The following VTI1A variants were observed in gnomAD, a reference collection of about 807,000 sequenced individuals.
The protein encoded by VTI1A is vesicle transport through interaction with t-SNAREs homolog 1A.
A neutral mutation model predicts 34.9 loss-of-function variants in VTI1A; 22 were observed. That is an observed-to-expected ratio of 0.63 (90% CI 0.45 to 0.90). The LOEUF is 0.90. VTI1A is among the 40% of genes least tolerant of loss of function. The pLI, the probability that VTI1A is intolerant of heterozygous loss-of-function variation, is 0.00. For missense variants in VTI1A, 268 were observed against 275.6 expected (o/e 0.97, Z 0.20); for synonymous variants, 87 against 97.3 (o/e 0.89, Z 0.62).
intron 4 of VTI1A, chr10:112,533,510 T>A: frequency 9.9e-7 from 1 of 1,011,768 alleles, no homozygotes; most frequent in African/African-American, 1.7e-5. Flanking sequence ...TTATCTTTTT[T>A]TTGTGCATTC....
intron 5 of VTI1A, among the ~76,000 whole-genome samples, chr10:112,553,311 C>G (rs1462270447): frequency 6.6e-6 from 1 of 152,220 alleles, no homozygotes. Flanking sequence ...AGACCTTAGA[C>G]AAGTTCCTTA....
At chr10:112,834,752 C>G in the VTI1A span, among the ~76,000 whole-genome samples, 1 of 152,214 alleles carries the variant, frequency 6.6e-6, no homozygotes, top group Non-Finnish European at 1.5e-5. Flanking sequence ...TCTGAGGCCT[C>G]TTGAAGCCGG....
At chr10:112,559,378 C>G (rs1192357719) in intron 5 of VTI1A, among the ~76,000 whole-genome samples, 1 of 152,154 alleles carries the variant, frequency 6.6e-6, no homozygotes, top group East Asian at 1.9e-4. Context: ...ATAAACCTGA[C>G]TAATAAATAT....
intron 3 of VTI1A, among the ~76,000 whole-genome samples, chr10:112,499,123 T>C (rs895834913): frequency 4.6e-5 from 7 of 152,196 alleles, no homozygotes; most frequent in Non-Finnish European, 1.0e-4. Flanking sequence ...TTAATAAGTA[T>C]ATATAAGGAA....
the VTI1A span, among the ~76,000 whole-genome samples, chr10:112,834,522 C>T: frequency 1.3e-5 from 2 of 152,218 alleles, no homozygotes; most frequent in African/African-American, 4.8e-5. Context: ...CATGGTACAG[C>T]AGACCCTCCG....
At chr10:112,593,699 C>T (rs1844489130) in intron 5 of VTI1A, among the ~76,000 whole-genome samples, 1 of 152,066 alleles carries the variant, frequency 6.6e-6, no homozygotes, top group Non-Finnish European at 1.5e-5. Flanking sequence ...TATGTGTGAA[C>T]TCGTTTATTC....
At chr10:112,845,498 T>C in the VTI1A span, among the ~76,000 whole-genome samples, 1 of 152,164 alleles carries the variant, frequency 6.6e-6, no homozygotes, top group African/African-American at 2.4e-5. Context: ...AGAGAAATGC[T>C]TTCAGAACTA....
In VTI1A at chr10:112,594,607, C is replaced by T. The variant is rs1410715907; in HGVS notation, c.427+56277C>T. 2.1e-3 allele frequency among the ~76,000 whole-genome samples: 323 copies of T among 151,824 alleles called. 1 individual carries two copies. Among genetic ancestry groups the T allele is most frequent in the African/African-American group, 6.6e-3 (273 of 41,372 alleles). ...ACCTAGGAATCCAACTTACAAGGGA[C>T]GTGAAGGACCTCTTCAAGGAGAACT... On this transcript the variant is annotated intron_variant, in intron 5 of 7. Coordinates refer to ENST00000393077, the MANE Select transcript of VTI1A (RefSeq NM_145206.4).
At chr10:112,642,977 CTTTTT>C (rs58619611) in intron 5 of VTI1A, among the ~76,000 whole-genome samples, 13 of 121,016 alleles carry the variant, frequency 1.1e-4, no homozygotes, top group Admixed American at 1.0e-3. Context: ...TTTTTCTTTT[CTTTTT>C]TTTTTTTTTT....
chr10:112,561,076 T>A (rs1197541951), intron 5 of VTI1A, among the ~76,000 whole-genome samples: 1 of 152,152 alleles, frequency 6.6e-6, no homozygotes, highest in Non-Finnish European at 1.5e-5. Flanking sequence ...TCAAAAAAAA[T>A]ATTTTTTTAA....
chr10:112,656,513 C>T (rs955729771), intron 5 of VTI1A, among the ~76,000 whole-genome samples: 8 of 138,558 alleles, frequency 5.8e-5, no homozygotes, highest in African/African-American at 1.8e-4. Context: ...GCATACCACA[C>T]CCAGATAATT....
chr10:112,652,916 A>G lies in VTI1A; in HGVS notation c.428-15302A>G, dbSNP rs1372493807. Among the ~76,000 whole-genome samples the G allele has an allele frequency of 1.1e-4, 16 of 152,144 alleles. 1 individual carries two copies. The highest frequency in any genetic ancestry group is 1.0e-3 in the Admixed American group (16 of 15,270). ...GGTGTCCAGGTTCTTGGCATCTTGA[A>G]CAAAGAATTGGACAAAATGCATACA... On this transcript the variant is annotated intron_variant, in intron 5 of 7. Transcript: ENST00000393077.
intron 5 of VTI1A, among the ~76,000 whole-genome samples, chr10:112,616,487 C>G (rs1311025547): frequency 1.3e-5 from 2 of 152,034 alleles, no homozygotes; most frequent in African/African-American, 2.4e-5. Flanking sequence ...AAATTAGGCT[C>G]TCTGGATTCC....
chr10:112,739,495 G>A lies in VTI1A; in HGVS notation c.560+70497G>A, dbSNP rs925730232. Among the ~76,000 whole-genome samples the A allele has an allele frequency of 2.0e-5, 3 of 152,306 alleles. No individual in the cohort carries two copies. The East Asian group carries it at 5.8e-4, about 29-fold the overall frequency. On this transcript the variant is annotated intron_variant, in intron 7 of 7. Transcript: ENST00000393077. ...GATTCTTCAATGCCACAGCTATGGTGCTCTTCCATGTTAAGAGACTTAACA... is the reference window on the plus strand; with the variant it reads ...GATTCTTCAATGCCACAGCTATGGTACTCTTCCATGTTAAGAGACTTAACA...
chr10:112,710,478 A>T (rs1465438591), intron 7 of VTI1A, among the ~76,000 whole-genome samples: 1 of 152,298 alleles, frequency 6.6e-6, no homozygotes, highest in South Asian at 2.1e-4. Context: ...AAATGCTAGG[A>T]TTACAGGTGT....
At chr10:112,486,080 A>G (rs918996496) in intron 3 of VTI1A, among the ~76,000 whole-genome samples, 1 of 152,208 alleles carries the variant, frequency 6.6e-6, no homozygotes, top group East Asian at 1.9e-4. Context: ...TGTCCCACAC[A>G]TATTTTATGT....
intron 5 of VTI1A, among the ~76,000 whole-genome samples, chr10:112,602,102 C>G (rs1040875468): frequency 3.9e-5 from 6 of 152,138 alleles, no homozygotes; most frequent in Admixed American, 1.3e-4. Flanking sequence ...ATAGAATGCA[C>G]TTTTTAATGT....
chr10:112,849,354 G>A, the VTI1A span, among the ~76,000 whole-genome samples: 115 of 152,316 alleles, frequency 7.6e-4, no homozygotes, highest in Admixed American at 1.8e-3. Context: ...CTCTCTGCCT[G>A]AGCCCTGAGG....
intron 7 of VTI1A, among the ~76,000 whole-genome samples, chr10:112,702,655 C>T (rs1053900266): frequency 1.3e-5 from 2 of 151,754 alleles, no homozygotes; most frequent in Admixed American, 1.3e-4. Context: ...GGTGTGATCT[C>T]GGCTCACTGC....
Sources: gnomAD v4.1 joint callset for allele counts (sites outside exome capture counted in the v4.1 genomes callset) on GRCh38, gnomAD v4.1.1 for gene constraint, MANE v1.5 for transcripts, NCBI Gene and HGNC (gene_info 2026-07-23, HGNC 2026-07-21) for gene names.